Variants in R3HDM1 observed in about 807,000 individuals in gnomAD.
R3HDM1 encodes R3H domain containing 1, also known as R3H domain-containing protein 1.
In R3HDM1, 46 loss-of-function variants were observed where a neutral mutation model predicts 141.1. The ratio of observed to expected loss-of-function variants is 0.33; its 90% CI spans 0.26 to 0.42. R3HDM1 has a LOEUF of 0.42. R3HDM1 is among the 10% of genes least tolerant of loss of function. The pLI is 1.00. For missense variants in R3HDM1, 1,184 were observed against 1,368.3 expected (o/e 0.87, Z 2.12); for synonymous variants, 435 against 472.9 (o/e 0.92, Z 1.04).
intron 1 of R3HDM1, chr2:135,550,243 A>G (rs927535843): frequency 2.7e-5 from 26 of 979,386 alleles, no homozygotes; most frequent in Non-Finnish European, 3.2e-5. Context: ...AAGCAAAGAA[A>G]GGGTAAAGGG....
At chr2:135,563,543 T>C (rs1258372766) in intron 1 of R3HDM1, among the ~76,000 whole-genome samples, 1 of 152,200 alleles carries the variant, frequency 6.6e-6, no homozygotes, top group Non-Finnish European at 1.5e-5. Context: ...TTTGGCAAGG[T>C]ATTTGGTATA....
intron 11 of R3HDM1, 55 bp downstream of exon 11, chr2:135,636,238 A>G: frequency 6.4e-7 from 1 of 1,565,418 alleles, no homozygotes; most frequent in Non-Finnish European, 8.6e-7. Context: ...ATTACGTTGT[A>G]GGGTCTCAGT....
At chr2:135,547,314 CCT>C (rs1369422751) in intron 1 of R3HDM1, among the ~76,000 whole-genome samples, 4 of 152,092 alleles carry the variant, frequency 2.6e-5, no homozygotes, top group African/African-American at 9.7e-5. Flanking sequence ...TCATTCTCAT[CCT>C]CTGTTTTATC....
chr2:135,624,224 T>C (rs1460327828), intron 7 of R3HDM1, among the ~76,000 whole-genome samples: 1 of 151,944 alleles, frequency 6.6e-6, no homozygotes, highest in African/African-American at 2.4e-5. Context: ...TGAAACCCTG[T>C]CTCTACTAAA....
intron 1 of R3HDM1, among the ~76,000 whole-genome samples, chr2:135,579,584 C>T (rs1441785863): frequency 8.0e-6 from 1 of 124,902 alleles, no homozygotes; most frequent in African/African-American, 4.3e-5. Flanking sequence ...AAAATGGTAA[C>T]TATGGGGTGG....
rs1252467934 is a variant in R3HDM1, at chr2:135,725,148, A to G, written c.*856A>G. Reference sequence around the variant, plus strand: ...GTTTGCAGCGGATCACTGGACATCAAAGATTCATTGCACTTATGAACAAGG... The same window carrying G: ...GTTTGCAGCGGATCACTGGACATCAGAGATTCATTGCACTTATGAACAAGG... On this transcript the variant is annotated 3_prime_UTR_variant, in exon 27 of 27. Coordinates refer to ENST00000683871, the MANE Select transcript of R3HDM1 (RefSeq NM_001378107.1). 1 of 151,302 alleles carries G rather than the reference A, an allele frequency of 6.6e-6. No individual in the cohort carries two copies. The highest frequency in any genetic ancestry group is 2.1e-4 in the South Asian group (1 of 4,832). The allele number at this position is 151,302 out of a possible 1,614,324, so 9.4% of individuals were successfully genotyped here.
intron 21 of R3HDM1, among the ~76,000 whole-genome samples, chr2:135,687,129 A>G (rs2071483863): frequency 6.6e-6 from 1 of 152,232 alleles, no homozygotes; most frequent in South Asian, 2.1e-4. Context: ...TGGGAGGCAG[A>G]GGTTGCAGTG....
At chr2:135,652,102 A>G in intron 18 of R3HDM1, 70 bp downstream of exon 18, 2 of 1,483,812 alleles carry the variant, frequency 1.3e-6, no homozygotes, top group Non-Finnish European at 1.8e-6. Flanking sequence ...ACTTCAAAGA[A>G]CTTATTTTTA....
At position 135,644,957 on chromosome 2, in the gene R3HDM1, C is replaced by G. The variant is rs1014458433; in HGVS notation, c.1475-422C>G. On this transcript the variant is annotated intron_variant, in intron 15 of 26. Transcript: ENST00000683871. Reference sequence around the variant, plus strand: ...ATTAGCCATGTGTAATGTCACATGCCTGTAATCCCAGCTACTCGGGAGGCT... The same window carrying G: ...ATTAGCCATGTGTAATGTCACATGCGTGTAATCCCAGCTACTCGGGAGGCT... Among the ~76,000 whole-genome samples the G allele has an allele frequency of 2.6e-5, 4 of 152,124 alleles. No homozygotes were observed. In the South Asian group the frequency reaches 8.3e-4, roughly 32 times the overall value.
chr2:135,613,619 C>A lies in R3HDM1; in HGVS notation c.172-2533C>A, dbSNP rs537762394. Among the ~76,000 whole-genome samples, 7 of 152,260 alleles carry A rather than the reference C, an allele frequency of 4.6e-5. No individual in the cohort carries two copies. The South Asian group carries it at 1.5e-3, about 32-fold the overall frequency. On this transcript the variant is annotated intron_variant, in intron 3 of 26. Coordinates refer to ENST00000683871, the MANE Select transcript of R3HDM1 (RefSeq NM_001378107.1). Reference sequence around the variant, plus strand: ...CTCAGTTGAGGTCAGGAGGTTGAGACCATCCTGGCCACCCAGTGAAACCCT... The same window carrying A: ...CTCAGTTGAGGTCAGGAGGTTGAGAACATCCTGGCCACCCAGTGAAACCCT...
intron 1 of R3HDM1, among the ~76,000 whole-genome samples, chr2:135,542,563 T>C (rs1231619219): frequency 6.6e-6 from 1 of 152,214 alleles, no homozygotes; most frequent in African/African-American, 2.4e-5. Context: ...ATTGTCCAGT[T>C]GCTATAATAT....
chr2:135,637,102 C>CT (rs1189938480), intron 11 of R3HDM1, among the ~76,000 whole-genome samples: 1 of 152,126 alleles, frequency 6.6e-6, no homozygotes, highest in East Asian at 1.9e-4. Flanking sequence ...AAATGTCCTT[C>CT]TCTCTAGTTT....
chr2:135,699,371 T>TA (rs1269664768), intron 21 of R3HDM1, among the ~76,000 whole-genome samples: 1 of 152,174 alleles, frequency 6.6e-6, no homozygotes, highest in African/African-American at 2.4e-5. Flanking sequence ...GCTTAGTAGA[T>TA]ACAGAAGATT....
chr2:135,627,622 G>C (rs908705982), intron 7 of R3HDM1, among the ~76,000 whole-genome samples: 8 of 152,046 alleles, frequency 5.3e-5, no homozygotes, highest in Non-Finnish European at 1.0e-4. Context: ...GGATGGTACA[G>C]ATAACTTATA....
chr2:135,689,036 T>G (rs932704345), intron 21 of R3HDM1, among the ~76,000 whole-genome samples: 4 of 152,252 alleles, frequency 2.6e-5, no homozygotes, highest in African/African-American at 9.6e-5. Context: ...TTATTTTACA[T>G]GTAGACACTA....
At chr2:135,715,215 G>C (rs1452049677) in intron 23 of R3HDM1, among the ~76,000 whole-genome samples, 3 of 152,116 alleles carry the variant, frequency 2.0e-5, no homozygotes, top group African/African-American at 7.2e-5. Flanking sequence ...TGGGCATGGT[G>C]GCGGGTGCCT....
intron 1 of R3HDM1, among the ~76,000 whole-genome samples, chr2:135,545,327 A>T (rs13399921): frequency 0.078 from 11,840 of 152,254 alleles, 1,531 homozygotes; most frequent in African/African-American, 0.27. Context: ...GAAATATTTA[A>T]GTATAATATA....
At chr2:135,543,600 A>T (rs1337115608) in intron 1 of R3HDM1, among the ~76,000 whole-genome samples, 5 of 152,272 alleles carry the variant, frequency 3.3e-5, no homozygotes, top group African/African-American at 9.6e-5. Flanking sequence ...GAGAAATTTT[A>T]AAAAATATTT....
At position 135,582,125 on chromosome 2, in the gene R3HDM1, C is replaced by T. The variant is rs372425612; in HGVS notation, c.-249-20375C>T. 1.1e-4 allele frequency among the ~76,000 whole-genome samples: 16 copies of T among 152,244 alleles called. No homozygotes were observed. In the South Asian group the frequency reaches 2.9e-3, roughly 28 times the overall value. ...GGCGGATCACCTGAGGTCAGGAATT[C>T]GTTACCAGCCTGGCTAACATGGTGA... On this transcript the variant is annotated intron_variant, in intron 1 of 26. Transcript: ENST00000683871.
Sources: allele counts gnomAD v4.1 joint callset (sites outside exome capture counted in the v4.1 genomes callset), GRCh38; gene constraint gnomAD v4.1.1; transcripts MANE v1.5; gene names NCBI Gene and HGNC (gene_info 2026-07-23, HGNC 2026-07-21).